STAG1: variants seen among roughly 807,000 people sequenced by gnomAD.
STAG1 encodes STAG1 cohesin complex component.
In STAG1, 26 loss-of-function variants were observed where a neutral mutation model predicts 170.9. The ratio of observed to expected loss-of-function variants is 0.15; its 90% CI spans 0.11 to 0.21. The LOEUF (loss-of-function observed/expected upper bound fraction) is 0.21. STAG1 is among the 10% of genes least tolerant of loss of function. The pLI, the probability that STAG1 is intolerant of heterozygous loss-of-function variation, is 1.00. For missense variants in STAG1, 964 were observed against 1,509.5 expected, an observed-to-expected ratio of 0.64 and a Z score of 5.99; for synonymous variants, 514 against 497.7, an observed-to-expected ratio of 1.03 and a Z score of -0.44.
chr3:136,523,413 G>GTTCT (rs1553739316), intron 6 of STAG1, among the ~76,000 whole-genome samples: 1 of 151,470 alleles, frequency 6.6e-6, no homozygotes, highest in African/African-American at 2.4e-5. Context: ...TGTTGATGGG[G>GTTCT]TTGTTTTCTT....
chr3:136,383,181 G>T (rs936375370), intron 22 of STAG1, among the ~76,000 whole-genome samples: 1 of 152,132 alleles, frequency 6.6e-6, no homozygotes, highest in African/African-American at 2.4e-5. Context: ...ATTAGTTCAG[G>T]ATTTGCCAAT....
rs1040653863 is a variant in STAG1 at position 136,541,987 on chromosome 3, T to C, written c.471+132A>G. Reference sequence around the variant, plus strand: ...TTAATTTTGGAATTAGTACCACAGATTATCATATATAATTAAAAAATAGAT... The same window carrying C: ...TTAATTTTGGAATTAGTACCACAGACTATCATATATAATTAAAAAATAGAT... On this transcript the variant is annotated intron_variant, in intron 6 of 33. Coordinates refer to ENST00000383202, the MANE Select transcript of STAG1 (RefSeq NM_005862.3). 19 of 676,696 alleles carry C rather than the reference T, an allele frequency of 2.8e-5. No individual in the cohort carries two copies. The African/African-American group carries it at 3.5e-4, about 12-fold the overall frequency. The allele number at this position is 676,696 out of a possible 1,614,324, so 41.9% of individuals were successfully genotyped here. A position where few individuals can be genotyped will look rare whatever the true frequency, so the allele number is the denominator to read the frequency against.
chr3:136,456,276 T>G (rs1435291484), intron 13 of STAG1, among the ~76,000 whole-genome samples: 1 of 151,742 alleles, frequency 6.6e-6, no homozygotes, highest in Non-Finnish European at 1.5e-5. Flanking sequence ...GAAAACTAAA[T>G]CAAATTTGAA....
At chr3:136,453,618 GT>G (rs2089014452) in intron 13 of STAG1, among the ~76,000 whole-genome samples, 1 of 151,472 alleles carries the variant, frequency 6.6e-6, no homozygotes, top group Non-Finnish European at 1.5e-5. Flanking sequence ...ATTGCTAAAG[GT>G]ATCTTATTTC....
chr3:136,378,252 A>G (rs1937719348), intron 22 of STAG1, among the ~76,000 whole-genome samples: 1 of 152,252 alleles, frequency 6.6e-6, no homozygotes, highest in African/African-American at 2.4e-5. Context: ...ACGGAGATGA[A>G]GTGTTCAGTT....
intron 1 of STAG1, among the ~76,000 whole-genome samples, chr3:136,684,709 G>A (rs1942452051): frequency 6.6e-6 from 1 of 150,824 alleles, no homozygotes; most frequent in Non-Finnish European, 1.5e-5. Flanking sequence ...CCGGAAGGTG[G>A]AGGTTGCAGT....
chr3:136,694,817 G>C (rs989871221), intron 1 of STAG1, among the ~76,000 whole-genome samples: 1 of 152,158 alleles, frequency 6.6e-6, no homozygotes, highest in Non-Finnish European at 1.5e-5. Context: ...AAAAGTTTTT[G>C]TAAGTAGAGG....
rs1029195548 is a variant in STAG1, at chr3:136,379,073, C to T, written c.2278-1321G>A. On this transcript the variant is annotated intron_variant, in intron 22 of 33. Coordinates refer to ENST00000383202, the MANE Select transcript of STAG1 (RefSeq NM_005862.3). Reference sequence around the variant, plus strand: ...TGAGTATAGTATGTGGAAGAAGGAGCGAGTTCATCTTGTGGAGAGAAGTAA... The same window carrying T: ...TGAGTATAGTATGTGGAAGAAGGAGTGAGTTCATCTTGTGGAGAGAAGTAA... Among the ~76,000 whole-genome samples the T allele has an allele frequency of 3.9e-5, 6 of 152,230 alleles. 1 individual carries two copies. In the East Asian group the frequency reaches 5.8e-4, roughly 15 times the overall value.
intron 3 of STAG1, among the ~76,000 whole-genome samples, chr3:136,607,511 T>C (rs1174553498): frequency 6.6e-6 from 1 of 152,166 alleles, no homozygotes; most frequent in East Asian, 1.9e-4. Context: ...CAAGCGATTC[T>C]TCTGCCTCAG....
Position 136,604,327 on chromosome 3 carries a change from C to A in STAG1, c.279G>T (p.Leu93=), listed in dbSNP as rs1262672407. ...AATTTACCTGCATTGCACTTTTCCC[C>A]AGTTTCACCACCTCAAATAATGTGA... ...EPVTLFEVVK[L]GKSAMQSVVD... is the part of the protein sequence containing the mutation. The change falls in exon 4 of 34, where the codon CTG becomes CTT. Residue 93 remains leucine, a synonymous_variant. Coordinates refer to ENST00000383202, the MANE Select transcript of STAG1 (RefSeq NM_005862.3). The A allele has an allele frequency of 4.4e-6, 7 of 1,606,384 alleles. No individual in the cohort carries two copies. The highest frequency in any genetic ancestry group is 5.9e-6 in the Non-Finnish European group (7 of 1,178,284).
intron 4 of STAG1, among the ~76,000 whole-genome samples, chr3:136,581,871 T>C (rs1339754801): frequency 6.6e-6 from 1 of 152,028 alleles, no homozygotes; most frequent in Non-Finnish European, 1.5e-5. Context: ...AAAACAAATA[T>C]AACTTTAACA....
rs1943491399 is a variant in STAG1 at position 136,714,963 on chromosome 3, ATTTT to A, written c.-84+37228_-84+37231del. Among the ~76,000 whole-genome samples the A allele has an allele frequency of 8.1e-5, 5 of 61,702 alleles. No homozygotes were observed. The Admixed American group carries it at 8.7e-4, about 11-fold the overall frequency. The allele number at this position is 61,702 out of a possible 152,430, so 40.5% of individuals were successfully genotyped here. ...AATATATATATATATATATATATAT[ATTTT>A]ATATATATATTTTTATATATATATT... On this transcript the variant is annotated intron_variant, in intron 1 of 33. Coordinates refer to ENST00000383202, the MANE Select transcript of STAG1 (RefSeq NM_005862.3).
rs71157379 is a variant in STAG1, at chr3:136,420,244, CAAAAAAA to C, written c.2108+842_2108+848del. Among the ~76,000 whole-genome samples the C allele has an allele frequency of 4.5e-3, 167 of 36,946 alleles. 2 individuals carry two copies. Among genetic ancestry groups the C allele is most frequent in the Middle Eastern group, 0.03 (2 of 66 alleles). The allele number at this position is 36,946 out of a possible 152,430, so 24.2% of individuals were successfully genotyped here. ...TCTGGGCGACAGAGTGAGACTCTGT[CAAAAAAA>C]AAAAAAAAAAAAAAAAAGTAATTCA... On this transcript the variant is annotated intron_variant, in intron 20 of 33. Coordinates refer to ENST00000383202, the MANE Select transcript of STAG1 (RefSeq NM_005862.3).
intron 6 of STAG1, among the ~76,000 whole-genome samples, chr3:136,523,191 T>C (rs1934783130): frequency 6.6e-6 from 1 of 152,194 alleles, no homozygotes; most frequent in Non-Finnish European, 1.5e-5. Context: ...AACAACAGTG[T>C]AAAAGTGTTC....
intron 21 of STAG1, among the ~76,000 whole-genome samples, chr3:136,402,273 A>G (rs2087350563): frequency 6.6e-6 from 1 of 151,792 alleles, no homozygotes; most frequent in Non-Finnish European, 1.5e-5. Context: ...GCTGGAGTGC[A>G]ATGGTGTGGT....
intron 14 of STAG1, among the ~76,000 whole-genome samples, chr3:136,449,368 C>A (rs2088872627): frequency 6.6e-6 from 1 of 152,108 alleles, no homozygotes; most frequent in African/African-American, 2.4e-5. Context: ...CGAGACCAGC[C>A]AGACTAACAT....
At chr3:136,495,688 G>A (rs1237533498) in intron 9 of STAG1, among the ~76,000 whole-genome samples, 2 of 151,952 alleles carry the variant, frequency 1.3e-5, no homozygotes, top group Admixed American at 1.3e-4. Flanking sequence ...CAAAATTAGG[G>A]CCGGGCACGG....
At chr3:136,409,495 C>A (rs2087567823) in intron 21 of STAG1, among the ~76,000 whole-genome samples, 1 of 151,966 alleles carries the variant, frequency 6.6e-6, no homozygotes, top group African/African-American at 2.4e-5. Context: ...CGCCACTATG[C>A]TCAGCTAATT....
intron 26 of STAG1, among the ~76,000 whole-genome samples, chr3:136,359,882 CTTTT>C (rs1012253833): frequency 6.6e-6 from 1 of 152,066 alleles, no homozygotes; most frequent in African/African-American, 2.4e-5. Context: ...AACATCTATT[CTTTT>C]TGTTATTGTT....
Sources: gnomAD v4.1 joint callset for allele counts (sites outside exome capture counted in the v4.1 genomes callset) on GRCh38, gnomAD v4.1.1 for gene constraint, MANE v1.5 for transcripts, NCBI Gene and HGNC (gene_info 2026-07-23, HGNC 2026-07-21) for gene names.